TTC7A: variants seen among roughly 807,000 people sequenced by gnomAD.
TTC7A encodes tetratricopeptide repeat protein 7A.
A neutral mutation model predicts 103.7 loss-of-function variants in TTC7A; 110 were observed. The ratio of observed to expected loss-of-function variants is 1.06; its 90% CI spans 0.91 to 1.24. TTC7A has a LOEUF of 1.24. Ranked by LOEUF, TTC7A falls within the 50% of genes most tolerant of loss-of-function variation. The pLI, the probability that TTC7A is intolerant of heterozygous loss-of-function variation, is 0.00. For synonymous variants in TTC7A, 521 were observed against 467.9 expected, an observed-to-expected ratio of 1.11 and a Z score of -1.47; for missense variants, 1,340 against 1,116.3, an observed-to-expected ratio of 1.20 and a Z score of -2.86.
chr2:47,037,880 G>GGCCTTTTATGTGCACGATGTCCT lies in TTC7A; in HGVS notation c.1803-8432_1803-8410dup, dbSNP rs1485086207. ...CTTTCTGAAGTGCCAGCCCCTGCTG[G>GGCCTTTTATGTGCACGATGTCCT]GCCTTTTATGTGCACGATGTCCTGC... On this transcript the variant is annotated intron_variant, in intron 15 of 19. Coordinates refer to ENST00000319190, the MANE Select transcript of TTC7A (RefSeq NM_020458.4). Among the ~76,000 whole-genome samples the GGCCTTTTATGTGCACGATGTCCT allele has an allele frequency of 9.2e-5, 14 of 152,228 alleles. No individual in the cohort carries two copies. The South Asian group carries it at 1.2e-3, about 14-fold the overall frequency.
At chr2:47,011,582 A>G in intron 11 of TTC7A, 147 bp downstream of exon 11, 1 of 641,784 alleles carries the variant, frequency 1.6e-6, no homozygotes, top group Non-Finnish European at 2.6e-6. Flanking sequence ...GGGCAGGGAG[A>G]AAGTCTCTGA....
chr2:46,916,017 T>A (rs941365244), upstream of TTC7A: 88 of 985,278 alleles, frequency 8.9e-5, no homozygotes, highest in Non-Finnish European at 1.0e-4. Flanking sequence ...TCCACTCCAG[T>A]TGGGCCGCTG....
At chr2:46,974,500 C>G (rs777228400) in intron 3 of TTC7A, 1 of 363,120 alleles carries the variant, frequency 2.8e-6, no homozygotes, top group Non-Finnish European at 5.4e-6. Context: ...TGGGAAAGTT[C>G]TGGATCTGGA....
intron 8 of TTC7A, 140 bp from the exon 9 acceptor site, chr2:47,005,782 T>G: frequency 2.3e-6 from 2 of 883,264 alleles, no homozygotes; most frequent in South Asian, 3.1e-5. Context: ...AGGCCATTTC[T>G]GGGAGTGTGG....
chr2:47,022,070 C>T (rs1473502215), intron 12 of TTC7A, 91 bp downstream of exon 12: 17 of 887,150 alleles, frequency 1.9e-5, no homozygotes, highest in Non-Finnish European at 2.8e-5. Context: ...GCACCCCTCC[C>T]CTCAGGCCAT....
At chr2:46,927,355 ATTTTT>A (rs60808815) in intron 2 of TTC7A, among the ~76,000 whole-genome samples, 1 of 132,870 alleles carries the variant, frequency 7.5e-6, no homozygotes. Context: ...AGAAAAAAAG[ATTTTT>A]TTTTTTTTTT....
chr2:46,967,308 A>G (rs1030081397), intron 3 of TTC7A, among the ~76,000 whole-genome samples: 2 of 152,186 alleles, frequency 1.3e-5, no homozygotes, highest in East Asian at 1.9e-4. Flanking sequence ...TGTGCAACCA[A>G]TCTCCTGAAC....
intron 19 of TTC7A, among the ~76,000 whole-genome samples, chr2:47,064,925 CAG>C (rs1432995658): frequency 6.6e-6 from 1 of 152,170 alleles, no homozygotes; most frequent in African/African-American, 2.4e-5. Flanking sequence ...GAAAAACAAA[CAG>C]AACTTTATTA....
Position 46,941,973 on chromosome 2 carries a change from C to CT in TTC7A, c.184+249dup, listed in dbSNP as rs1182209416. Reference sequence around the variant, plus strand: ...GTCCTTTAGGATAATGTGGCTAACTCTGTCTACCGTGAAATGGTGGTATCT... The same window carrying CT: ...GTCCTTTAGGATAATGTGGCTAACTCTTGTCTACCGTGAAATGGTGGTATCT... On this transcript the variant is annotated intron_variant, in intron 1 of 19. Coordinates refer to ENST00000319190, the MANE Select transcript of TTC7A (RefSeq NM_020458.4). This position sits in a 1 kb window ranked among gnomAD's most constrained non-coding sequence, Gnocchi z 4.2. The CT allele has an allele frequency of 1.0e-5, 6 of 584,918 alleles. No individual in the cohort carries two copies. Among genetic ancestry groups the CT allele is most frequent in the African/African-American group, 5.6e-5 (3 of 53,128 alleles). 36.2% of individuals were successfully genotyped at this position (584,918 alleles called of 1,614,324 possible). A position where few individuals can be genotyped will look rare whatever the true frequency, so the allele number is the denominator to read the frequency against.
chr2:47,046,744 G>C (rs1682365934), intron 16 of TTC7A: 1 of 342,222 alleles, frequency 2.9e-6, no homozygotes, highest in Non-Finnish European at 5.3e-6. Flanking sequence ...GCTGCTTATA[G>C]CTTATGCATT....
At chr2:46,926,425 A>C (rs763284918) in intron 2 of TTC7A, among the ~76,000 whole-genome samples, 1 of 152,194 alleles carries the variant, frequency 6.6e-6, no homozygotes, top group Non-Finnish European at 1.5e-5. Context: ...CCAGGTCGCC[A>C]TGGGAGCACA....
At chr2:46,938,680 C>A (rs1298164845), upstream of TTC7A, among the ~76,000 whole-genome samples, 1 of 152,116 alleles carries the variant, frequency 6.6e-6, no homozygotes, top group Admixed American at 6.6e-5. Context: ...TCAATAAATT[C>A]TATGGGCCCT....
At position 47,050,099 on chromosome 2, in the gene TTC7A, C is replaced by T. The variant is rs1682726416; in HGVS notation, c.2017+53C>T. On this transcript the variant is annotated intron_variant, in intron 17 of 19. Transcript: ENST00000319190. ...GTGCATGGACCCACAGCTCACACTC[C>T]CAGCTTGAGAGCACCAACACAGAGA... 3 of 1,444,588 alleles carry T rather than the reference C, an allele frequency of 2.1e-6. No homozygotes were observed. The African/African-American group carries it at 4.2e-5, about 20-fold the overall frequency. 89.5% of individuals were successfully genotyped at this position (1,444,588 alleles called of 1,614,324 possible).
chr2:46,992,714 G>C (rs1364928683), intron 5 of TTC7A, among the ~76,000 whole-genome samples: 1 of 152,244 alleles, frequency 6.6e-6, no homozygotes, highest in Non-Finnish European at 1.5e-5. Context: ...GCCACAGCCT[G>C]TTAGTGGGAA....
intron 11 of TTC7A, among the ~76,000 whole-genome samples, chr2:47,018,681 A>T (rs1678953721): frequency 6.6e-6 from 1 of 151,890 alleles, no homozygotes; most frequent in African/African-American, 2.4e-5. Context: ...ATATCTACAT[A>T]TGTAAATATA....
At chr2:46,999,561 A>G (rs1676579436) in intron 8 of TTC7A, 3 of 985,442 alleles carry the variant, frequency 3.0e-6, no homozygotes, top group Non-Finnish European at 2.4e-6. Flanking sequence ...TCCTGTCCCA[A>G]ATGGACTCCC....
At chr2:46,998,795 TG>T (rs1175177381) in intron 8 of TTC7A, among the ~76,000 whole-genome samples, 1 of 152,172 alleles carries the variant, frequency 6.6e-6, no homozygotes, top group Non-Finnish European at 1.5e-5. Context: ...CTGTGTGGTG[TG>T]GGGCTGCTAC....
chr2:47,061,001 C>T (rs1683738584), intron 19 of TTC7A, 30 bp downstream of exon 19: 2 of 1,554,152 alleles, frequency 1.3e-6, no homozygotes, highest in South Asian at 1.2e-5. Flanking sequence ...GCTCCCACCA[C>T]CTCCTCCCAC....
chr2:46,956,006 C>T lies in TTC7A; in HGVS notation c.349-833C>T, dbSNP rs543594174. ...TTACAAGGAGAACTGGGGCCATGTC[C>T]AAGGTCAGAACTCACGTGCCAGGGT... On this transcript the variant is annotated intron_variant, in intron 2 of 19. Transcript: ENST00000319190. Among the ~76,000 whole-genome samples the T allele has an allele frequency of 1.6e-4, 24 of 152,278 alleles. No homozygotes were observed. In the South Asian group the frequency reaches 2.9e-3, roughly 18 times the overall value.
Sources: gnomAD v4.1 joint callset for allele counts (sites outside exome capture counted in the v4.1 genomes callset) on GRCh38, gnomAD v4.1.1 for gene constraint, Gnocchi (gnomAD v3.1) non-coding constraint, MANE v1.5 for transcripts, NCBI Gene and HGNC (gene_info 2026-07-23, HGNC 2026-07-21) for gene names.